Variants in DGKB observed in about 807,000 individuals in gnomAD.
DGKB encodes the protein diacylglycerol kinase beta, also known as 90 kDa diacylglycerol kinase.
In DGKB, 67 loss-of-function variants were observed where a neutral mutation model predicts 114.3. The ratio of observed to expected loss-of-function variants is 0.59; its 90% CI spans 0.48 to 0.72. The LOEUF (loss-of-function observed/expected upper bound fraction) is 0.72. DGKB is among the 30% of genes least tolerant of loss of function. The pLI is 0.00. For synonymous variants in DGKB, 398 were observed against 323.1 expected, an observed-to-expected ratio of 1.23 and a Z score of -2.49; for missense variants, 907 against 975.2, an observed-to-expected ratio of 0.93 and a Z score of 0.93.
intron 7 of DGKB, 118 bp downstream of exon 7, chr7:14,701,563 G>A (rs1215521854): frequency 4.2e-6 from 3 of 709,118 alleles, no homozygotes; most frequent in Non-Finnish European, 2.5e-6. Context: ...AATGCCATAT[G>A]AGTGGATGTA....
intron 2 of DGKB, among the ~76,000 whole-genome samples, chr7:14,826,398 T>C (rs1845712409): frequency 6.6e-6 from 1 of 152,158 alleles, no homozygotes; most frequent in South Asian, 2.1e-4. Context: ...TTATATTTTG[T>C]CTTAGTCATA....
At chr7:14,971,978 T>C (rs1004255881) in intron 1 of DGKB, among the ~76,000 whole-genome samples, 6 of 152,212 alleles carry the variant, frequency 3.9e-5, no homozygotes, top group Admixed American at 3.9e-4. Context: ...ACTCCTGACC[T>C]CAGGTGATCT....
chr7:14,262,605 G>C (rs1219089571), intron 23 of DGKB, among the ~76,000 whole-genome samples: 1 of 152,138 alleles, frequency 6.6e-6, no homozygotes, highest in Non-Finnish European at 1.5e-5. Flanking sequence ...AACTGACACA[G>C]ATGGGACCCA....
At chr7:14,735,893 A>T in intron 5 of DGKB, 148 bp downstream of exon 5, 1 of 444,070 alleles carries the variant, frequency 2.3e-6, no homozygotes, top group Non-Finnish European at 4.0e-6. Flanking sequence ...GAAACATTTT[A>T]AATGAGTCAC....
chr7:14,481,546 T>C (rs141784951), intron 20 of DGKB, among the ~76,000 whole-genome samples: 6 of 152,148 alleles, frequency 3.9e-5, no homozygotes, highest in Admixed American at 3.3e-4. Context: ...TCATTTTTGA[T>C]GATTTGACCA....
chr7:14,265,814 G>C (rs1156727737), intron 23 of DGKB, among the ~76,000 whole-genome samples: 2 of 152,046 alleles, frequency 1.3e-5, no homozygotes, highest in Admixed American at 1.3e-4. Context: ...TAGATGATTG[G>C]GCCAAGTACT....
intron 23 of DGKB, among the ~76,000 whole-genome samples, chr7:14,248,584 CTAAA>C (rs368712320): frequency 0.013 from 2,045 of 151,924 alleles, 42 homozygotes; most frequent in African/African-American, 0.047. Flanking sequence ...GACTTTGTTC[CTAAA>C]TATTTTATTT....
In DGKB at chr7:14,247,448, G is replaced by A. The variant is rs1417446930; in HGVS notation, c.2123-69297C>T. ...CCATACATTTTTCCATAATGGCTGTGCCAATTTACATTCCCAGGAGCAGGG... is the reference window on the plus strand; with the variant it reads ...CCATACATTTTTCCATAATGGCTGTACCAATTTACATTCCCAGGAGCAGGG... On this transcript the variant is annotated intron_variant, in intron 23 of 25. Transcript: ENST00000402815. 3.3e-5 allele frequency among the ~76,000 whole-genome samples: 5 copies of A among 151,972 alleles called. No homozygotes were observed. The South Asian group carries it at 6.2e-4, about 19-fold the overall frequency.
intron 1 of DGKB, among the ~76,000 whole-genome samples, chr7:14,943,247 T>A (rs1273220707): frequency 3.9e-5 from 6 of 151,954 alleles, no homozygotes; most frequent in Non-Finnish European, 8.8e-5. Flanking sequence ...GTTAATGAAG[T>A]CCCAGTTTTA....
At position 14,621,418 on chromosome 7, in the gene DGKB, T is replaced by C. The variant is rs1251161539; in HGVS notation, c.1244A>G (p.Gln415Arg). ...PNKVIDKNKM[Q>R]RANSVTVDGQ... is the part of the protein sequence containing the mutation. ...ATCTACAGTAACAGAGTTGGCTCTT[T>C]GCATTTTATTCTTGTCAATCACTTT... is the stretch of plus-strand genomic sequence containing the variant. Residue 415 changes from glutamine to arginine, a missense_variant, in exon 15 of 26, where the codon CAA becomes CGA. Coordinates refer to ENST00000402815, the MANE Select transcript of DGKB (RefSeq NM_001350709.2). 15 of 1,611,300 alleles carry C rather than the reference T, an allele frequency of 9.3e-6. No individual in the cohort carries two copies. The Admixed American group carries it at 2.5e-4, about 27-fold the overall frequency.
chr7:14,899,503 T>C (rs1782643777), intron 1 of DGKB, among the ~76,000 whole-genome samples: 1 of 152,028 alleles, frequency 6.6e-6, no homozygotes, highest in Non-Finnish European at 1.5e-5. Context: ...GGACAAAGAG[T>C]GTGGACATAT....
intron 23 of DGKB, among the ~76,000 whole-genome samples, chr7:14,300,285 T>C (rs1437018507): frequency 6.6e-6 from 1 of 152,104 alleles, no homozygotes; most frequent in East Asian, 1.9e-4. Context: ...TTCATTTTTT[T>C]CCCTCATCAA....
In DGKB at chr7:14,642,494, C is replaced by T. The variant is rs117903195; in HGVS notation, c.1135-12226G>A. Among the ~76,000 whole-genome samples the T allele has an allele frequency of 3.7e-3, 564 of 152,238 alleles. 16 individuals carry two copies. The East Asian group carries it at 0.064, about 17-fold the overall frequency. Reference sequence around the variant, plus strand: ...GTCAAAGGAAACAAATACAACTACACCGATTATTGCAATATTGTTTAGGTA... The same window carrying T: ...GTCAAAGGAAACAAATACAACTACATCGATTATTGCAATATTGTTTAGGTA... On this transcript the variant is annotated intron_variant, in intron 13 of 25. Coordinates refer to ENST00000402815, the MANE Select transcript of DGKB (RefSeq NM_001350709.2).
At chr7:14,567,464 T>A (rs1464219257) in intron 20 of DGKB, among the ~76,000 whole-genome samples, 1 of 75,564 alleles carries the variant, frequency 1.3e-5, no homozygotes, top group Non-Finnish European at 2.3e-5. Context: ...TATAATTATA[T>A]ATTTATATAT....
chr7:14,183,252 C>T (rs958113559), intron 23 of DGKB, among the ~76,000 whole-genome samples: 1 of 152,162 alleles, frequency 6.6e-6, no homozygotes, highest in African/African-American at 2.4e-5. Flanking sequence ...GTGAATAATT[C>T]AATGATTCGT....
chr7:14,587,137 T>C (rs1800908509), intron 17 of DGKB, among the ~76,000 whole-genome samples: 1 of 152,148 alleles, frequency 6.6e-6, no homozygotes, highest in Admixed American at 6.6e-5. Context: ...CTAGGTGTCA[T>C]TAAGAACATT....
intron 1 of DGKB, among the ~76,000 whole-genome samples, chr7:14,867,113 T>C (rs1277218458): frequency 6.6e-6 from 1 of 152,226 alleles, no homozygotes; most frequent in Admixed American, 6.5e-5. Context: ...GAATTCTTTG[T>C]AATTTGGATA....
intron 21 of DGKB, among the ~76,000 whole-genome samples, chr7:14,456,392 C>A (rs1402501083): frequency 6.6e-6 from 1 of 152,008 alleles, no homozygotes; most frequent in Non-Finnish European, 1.5e-5. Context: ...AAAACATAAT[C>A]ATTGGCAGTA....
intron 18 of DGKB, among the ~76,000 whole-genome samples, chr7:14,582,740 C>CTGCT (rs1800136750): frequency 1.3e-5 from 2 of 152,210 alleles, no homozygotes; most frequent in African/African-American, 4.8e-5. Flanking sequence ...AATACTAAGA[C>CTGCT]TGCTCCTTCA....
Sources: gnomAD v4.1 joint callset for allele counts (sites outside exome capture counted in the v4.1 genomes callset) on GRCh38, gnomAD v4.1.1 for gene constraint, MANE v1.5 for transcripts, NCBI Gene and HGNC (gene_info 2026-07-23, HGNC 2026-07-21) for gene names.